Variants in UQCC1 observed in about 807,000 individuals in gnomAD.
UQCC1 encodes bFGF-repressed Zic-binding protein.
A neutral mutation model predicts 48.0 loss-of-function variants in UQCC1; 38 were observed. That is an observed-to-expected ratio of 0.79 (90% CI 0.61 to 1.04). The LOEUF is 1.04. UQCC1 is among the 50% of genes least tolerant of loss of function. The pLI, the probability that UQCC1 is intolerant of heterozygous loss-of-function variation, is 0.00. For synonymous variants in UQCC1, 111 were observed against 129.2 expected, an observed-to-expected ratio of 0.86 and a Z score of 0.95; for missense variants, 368 against 381.8, an observed-to-expected ratio of 0.96 and a Z score of 0.30.
chr20:35,361,110 C>A (rs1301253961), intron 6 of UQCC1, among the ~76,000 whole-genome samples: 1 of 151,960 alleles, frequency 6.6e-6, no homozygotes, highest in Non-Finnish European at 1.5e-5. Context: ...AGTCTTTTTT[C>A]AGTGGACATG....
chr20:35,322,418 T>C (rs532823183), intron 7 of UQCC1, among the ~76,000 whole-genome samples: 2 of 152,270 alleles, frequency 1.3e-5, no homozygotes, highest in African/African-American at 4.8e-5. Context: ...CCTGATTCTA[T>C]AAACAAGGAA....
chr20:35,384,603 C>G lies in UQCC1; in HGVS notation c.130-470G>C, dbSNP rs1230684923. The stretch of plus-strand genomic sequence containing the variant: ...GCTGCAGGGAGCTATCATCACACCA[C>G]TGCACTTCAACCTGGGCGACTCAGC... On this transcript the variant is annotated intron_variant, in intron 2 of 9. Coordinates refer to ENST00000374385, the MANE Select transcript of UQCC1 (RefSeq NM_018244.5). 6.7e-6 allele frequency: 3 copies of G among 448,050 alleles called. No individual in the cohort carries two copies. In the Admixed American group the frequency reaches 7.3e-5, roughly 11 times the overall value. The allele number at this position is 448,050 out of a possible 1,614,324, so 27.8% of individuals were successfully genotyped here.
chr20:35,322,440 A>G (rs2061141878), intron 7 of UQCC1, among the ~76,000 whole-genome samples: 1 of 152,216 alleles, frequency 6.6e-6, no homozygotes. Context: ...CAGAAGCTCA[A>G]AACTGTTAAG....
chr20:35,306,892 C>T (rs1264782103), intron 8 of UQCC1, 113 bp from the exon 9 acceptor site: 7 of 828,878 alleles, frequency 8.4e-6, no homozygotes, highest in Non-Finnish European at 1.4e-5. Flanking sequence ...GAAGGGCCCT[C>T]CACGCACAAG....
intron 6 of UQCC1, among the ~76,000 whole-genome samples, chr20:35,359,850 C>A (rs1245143610): frequency 6.6e-6 from 1 of 152,174 alleles, no homozygotes; most frequent in East Asian, 1.9e-4. Context: ...AGCTGGCACA[C>A]TGACCCTTTT....
intron 5 of UQCC1, among the ~76,000 whole-genome samples, chr20:35,372,581 G>A (rs1297440409): frequency 6.6e-6 from 1 of 152,212 alleles, no homozygotes; most frequent in Non-Finnish European, 1.5e-5. Flanking sequence ...ACCAAAATAG[G>A]CCAGGTCCCA....
intron 7 of UQCC1, among the ~76,000 whole-genome samples, chr20:35,318,892 G>A (rs1000563033): frequency 1.3e-5 from 2 of 152,104 alleles, no homozygotes; most frequent in Non-Finnish European, 1.5e-5. Flanking sequence ...TTTGGTTGCT[G>A]GTGTGCAGGT....
At chr20:35,376,797 T>C (rs2061806635) in intron 4 of UQCC1, among the ~76,000 whole-genome samples, 1 of 152,012 alleles carries the variant, frequency 6.6e-6, no homozygotes, top group African/African-American at 2.4e-5. Flanking sequence ...ACTCCATCTC[T>C]ACTAAATATA....
At chr20:35,323,428 T>C (rs980805522) in intron 7 of UQCC1, among the ~76,000 whole-genome samples, 1 of 152,218 alleles carries the variant, frequency 6.6e-6, no homozygotes, top group Non-Finnish European at 1.5e-5. Context: ...AGAGCAAATC[T>C]TTCTCATGAA....
intron 6 of UQCC1, among the ~76,000 whole-genome samples, chr20:35,356,506 C>G (rs1051177007): frequency 2.6e-5 from 4 of 152,210 alleles, no homozygotes; most frequent in Admixed American, 6.5e-5. Context: ...GTTAACACAA[C>G]TACGTGCCAG....
intron 5 of UQCC1, among the ~76,000 whole-genome samples, chr20:35,370,394 C>G (rs2061717418): frequency 6.6e-6 from 1 of 151,968 alleles, no homozygotes; most frequent in Admixed American, 6.6e-5. Context: ...AGAATCCAAG[C>G]CACAGGAAAG....
intron 8 of UQCC1, among the ~76,000 whole-genome samples, chr20:35,312,042 G>A (rs764944204): frequency 1.3e-5 from 2 of 152,072 alleles, no homozygotes; most frequent in East Asian, 1.9e-4. Context: ...AACACAATTC[G>A]GTACATTTTT....
At chr20:35,378,585 G>A (rs1192734792) in intron 4 of UQCC1, among the ~76,000 whole-genome samples, 2 of 152,118 alleles carry the variant, frequency 1.3e-5, no homozygotes, top group Non-Finnish European at 2.9e-5. Flanking sequence ...AGCCGAGATC[G>A]CGCCACTGCA....
At position 35,376,206 on chromosome 20, in the gene UQCC1, G is replaced by A. The variant is rs922447209; in HGVS notation, c.334-1950C>T. Among the ~76,000 whole-genome samples, 5 of 151,258 alleles carry A rather than the reference G, an allele frequency of 3.3e-5. No individual in the cohort carries two copies. The South Asian group carries it at 1.0e-3, about 32-fold the overall frequency. Reference sequence around the variant, plus strand: ...GCCTGTAATCCCAGTTACTTGGGAGGCTGAGACAGGAGAATCACTTGAACC... The same window carrying A: ...GCCTGTAATCCCAGTTACTTGGGAGACTGAGACAGGAGAATCACTTGAACC... On this transcript the variant is annotated intron_variant, in intron 4 of 9. Transcript: ENST00000374385.
chr20:35,348,357 C>A (rs2061452744), intron 6 of UQCC1, among the ~76,000 whole-genome samples: 1 of 148,720 alleles, frequency 6.7e-6, no homozygotes, highest in South Asian at 2.1e-4. Context: ...TCATGCATGA[C>A]CATAGTTCAT....
At chr20:35,370,231 TTTC>T (rs1193356654) in intron 5 of UQCC1, among the ~76,000 whole-genome samples, 32 of 134,446 alleles carry the variant, frequency 2.4e-4, no homozygotes, top group South Asian at 4.5e-4. Context: ...CTTTCTCTTG[TTTC>T]TTTTTTTTTT....
chr20:35,374,144 G>A (rs572232631), intron 5 of UQCC1, 40 bp downstream of exon 5: 6 of 1,495,358 alleles, frequency 4.0e-6, no homozygotes, highest in Non-Finnish European at 5.5e-6. Context: ...ATGAAATGTA[G>A]ATTTGTTCTC....
chr20:35,323,890 A>G (rs146052768), intron 7 of UQCC1, among the ~76,000 whole-genome samples: 8 of 152,374 alleles, frequency 5.3e-5, no homozygotes, highest in African/African-American at 1.9e-4. Context: ...ATGGGCACAT[A>G]GCTGAAGCTT....
chr20:35,411,813 C>T (rs935427612), intron 1 of UQCC1, 127 bp downstream of exon 1: 7 of 1,275,204 alleles, frequency 5.5e-6, no homozygotes, highest in East Asian at 2.3e-5. Flanking sequence ...CACGGAAAAG[C>T]GGCCACTCAG....
Sources: gnomAD v4.1 joint callset for allele counts (sites outside exome capture counted in the v4.1 genomes callset) on GRCh38, gnomAD v4.1.1 for gene constraint, MANE v1.5 for transcripts, NCBI Gene and HGNC (gene_info 2026-07-23, HGNC 2026-07-21) for gene names.